THRB: variants seen among roughly 807,000 people sequenced by gnomAD.
THRB encodes the protein nuclear receptor subfamily 1 group A member 2.
THRB carries 12 observed loss-of-function variants against 47.8 expected under a neutral mutation model. That is an observed-to-expected ratio of 0.25 (90% CI 0.16 to 0.41). THRB has a LOEUF of 0.41. Ranked by LOEUF, THRB falls within the 10% of genes least tolerant of loss-of-function variation. THRB has a pLI of 1.00. For missense variants in THRB, 348 were observed against 589.2 expected, an observed-to-expected ratio of 0.59 and a Z score of 4.24; for synonymous variants, 218 against 212.2, an observed-to-expected ratio of 1.03 and a Z score of -0.24.
At chr3:24,411,600 T>C (rs1378547329) in intron 1 of THRB, among the ~76,000 whole-genome samples, 1 of 151,796 alleles carries the variant, frequency 6.6e-6, no homozygotes, top group Non-Finnish European at 1.5e-5. Flanking sequence ...AAGTTAAATT[T>C]ATTACGCTAC....
intron 1 of THRB, among the ~76,000 whole-genome samples, chr3:24,372,259 A>G (rs1274423965): frequency 6.6e-6 from 1 of 152,078 alleles, no homozygotes; most frequent in Non-Finnish European, 1.5e-5. Context: ...TAGTAATTCT[A>G]CCACAGCTAA....
chr3:24,470,475 G>T (rs1379005197), intron 1 of THRB, among the ~76,000 whole-genome samples: 1 of 152,170 alleles, frequency 6.6e-6, no homozygotes, highest in Non-Finnish European at 1.5e-5. Context: ...TACTTTCTAA[G>T]GCTGTTACGA....
chr3:24,153,481 G>A (rs2037335043), intron 5 of THRB, among the ~76,000 whole-genome samples: 1 of 152,146 alleles, frequency 6.6e-6, no homozygotes, highest in African/African-American at 2.4e-5. Flanking sequence ...AAATGACAGA[G>A]GTTTTGTTTA....
intron 5 of THRB, among the ~76,000 whole-genome samples, chr3:24,154,231 C>A (rs564031222): frequency 6.7e-4 from 102 of 152,254 alleles, no homozygotes; most frequent in African/African-American, 2.4e-3. Flanking sequence ...TTTCAAAACT[C>A]TTGTCAGTCA....
intron 3 of THRB, among the ~76,000 whole-genome samples, chr3:24,240,837 AACC>A (rs1432053094): frequency 1.1e-3 from 175 of 152,252 alleles, no homozygotes; most frequent in African/African-American, 4.1e-3. Context: ...ACATGTTGAG[AACC>A]ACCAGCCTGA....
intron 1 of THRB, among the ~76,000 whole-genome samples, chr3:24,422,390 G>A (rs1387836372): frequency 1.3e-5 from 2 of 151,826 alleles, no homozygotes; most frequent in Non-Finnish European, 2.9e-5. Flanking sequence ...TTCCAACCCT[G>A]TTTTGGAGGT....
chr3:24,311,524 C>A (rs1403490047), intron 2 of THRB, among the ~76,000 whole-genome samples: 1 of 152,198 alleles, frequency 6.6e-6, no homozygotes, highest in Non-Finnish European at 1.5e-5. Flanking sequence ...AGGCATTTCA[C>A]TAGCAGATGT....
intron 3 of THRB, among the ~76,000 whole-genome samples, chr3:24,244,230 T>C (rs990946794): frequency 1.2e-4 from 18 of 152,268 alleles, no homozygotes; most frequent in African/African-American, 4.3e-4. Context: ...CTATATATTT[T>C]CAATGGGTAA....
intron 4 of THRB, among the ~76,000 whole-genome samples, chr3:24,222,639 C>A (rs1431473317): frequency 6.6e-6 from 1 of 152,128 alleles, no homozygotes; most frequent in Non-Finnish European, 1.5e-5. Flanking sequence ...CTCCCTTCTG[C>A]CCTCAAGGAA....
intron 3 of THRB, among the ~76,000 whole-genome samples, chr3:24,291,285 C>A (rs551097181): frequency 5.3e-4 from 81 of 152,304 alleles, no homozygotes; most frequent in African/African-American, 1.9e-3. Context: ...AATATTGAGT[C>A]CTGCCACTTC....
chr3:24,324,288 T>TTCCA (rs34661026), intron 2 of THRB, among the ~76,000 whole-genome samples: 46,924 of 151,734 alleles, frequency 0.31, 7,602 homozygotes, highest in Admixed American at 0.41. Flanking sequence ...ATTCATTCAT[T>TTCCA]TCCATCCATC....
chr3:24,462,508 T>C (rs1202380592), intron 1 of THRB, among the ~76,000 whole-genome samples: 1 of 152,216 alleles, frequency 6.6e-6, no homozygotes, highest in Non-Finnish European at 1.5e-5. Context: ...TCTAAACTAT[T>C]ACATATTAGA....
chr3:24,479,074 G>A (rs1695950211), intron 1 of THRB, among the ~76,000 whole-genome samples: 2 of 152,176 alleles, frequency 1.3e-5, no homozygotes, highest in Non-Finnish European at 2.9e-5. Flanking sequence ...CAAGGTGGGA[G>A]GATCACGAGG....
At chr3:24,377,125 T>C (rs370620603) in intron 1 of THRB, among the ~76,000 whole-genome samples, 29 of 152,116 alleles carry the variant, frequency 1.9e-4, no homozygotes, top group African/African-American at 6.8e-4. Context: ...ATTTTAATTT[T>C]TGTAGAGATG....
intron 1 of THRB, among the ~76,000 whole-genome samples, chr3:24,353,632 GC>G (rs11368285): frequency 0.033 from 5,064 of 152,178 alleles, 287 homozygotes; most frequent in African/African-American, 0.12. Flanking sequence ...AAGGAAAAAG[GC>G]AGGTTAATCT....
At chr3:24,356,712 G>T (rs989043562) in intron 1 of THRB, among the ~76,000 whole-genome samples, 23 of 152,024 alleles carry the variant, frequency 1.5e-4, no homozygotes, top group Admixed American at 1.2e-3. Context: ...CACCTCAATT[G>T]TTGGTACCAA....
At chr3:24,209,878 C>G (rs978810148) in intron 4 of THRB, among the ~76,000 whole-genome samples, 3 of 152,016 alleles carry the variant, frequency 2.0e-5, no homozygotes, top group Non-Finnish European at 4.4e-5. Context: ...ACAAACATTT[C>G]TAGTAATGAA....
chr3:24,479,081 G>T (rs1252749655), intron 1 of THRB, among the ~76,000 whole-genome samples: 1 of 152,090 alleles, frequency 6.6e-6, no homozygotes, highest in South Asian at 2.1e-4. Context: ...GGAGGATCAC[G>T]AGGTCAGGAG....
At chr3:24,438,393 T>C (rs1000643179) in intron 1 of THRB, among the ~76,000 whole-genome samples, 2 of 152,170 alleles carry the variant, frequency 1.3e-5, no homozygotes, top group African/African-American at 2.4e-5. Context: ...CTGATCTTCA[T>C]GTTTTTCTAA....
Sources: allele counts gnomAD v4.1 joint callset (sites outside exome capture counted in the v4.1 genomes callset), GRCh38; gene constraint gnomAD v4.1.1; transcripts MANE v1.5; gene names NCBI Gene and HGNC (gene_info 2026-07-23, HGNC 2026-07-21).